Variants in MAPK14 observed in about 807,000 individuals in gnomAD.
MAPK14 encodes CSAID-binding protein.
In MAPK14, 16 loss-of-function variants were observed where a neutral mutation model predicts 49.6. The ratio of observed to expected loss-of-function variants is 0.32; its 90% CI spans 0.22 to 0.49. The LOEUF (loss-of-function observed/expected upper bound fraction) is 0.49, where lower values mean the gene tolerates loss of function less well. MAPK14 is among the 20% of genes least tolerant of loss of function. The pLI is 0.99. For missense variants in MAPK14, 200 were observed against 441.2 expected (o/e 0.45, Z 4.90); for synonymous variants, 142 against 158.0 (o/e 0.90, Z 0.76).
At chr6:36,063,664 C>G (rs375600926) in intron 3 of MAPK14, among the ~76,000 whole-genome samples, 1 of 152,126 alleles carries the variant, frequency 6.6e-6, no homozygotes, top group Non-Finnish European at 1.5e-5. Context: ...TTAATTCTTA[C>G]AAATGAAGAC....
At chr6:36,121,419 A>T in the MAPK14 span, among the ~76,000 whole-genome samples, 1 of 152,202 alleles carries the variant, frequency 6.6e-6, no homozygotes, top group Admixed American at 6.5e-5. Context: ...CAAGCTGCCC[A>T]GCTGGAGCAC....
rs374367305 is a variant in MAPK14, at chr6:36,028,306, C to A, written c.116+33C>A. 5.2e-5 allele frequency: 79 copies of A among 1,529,930 alleles called. No individual in the cohort carries two copies. The highest frequency in any genetic ancestry group is 2.5e-4 in the Admixed American group (15 of 59,062). 94.8% of individuals were successfully genotyped at this position (1,529,930 alleles called of 1,614,324 possible). ...TCGCTGGGCCTGGGGCCGCTGTGGG[C>A]AGGGTGGCCCCTCGCGCCCGAGGGC... is the stretch of plus-strand genomic sequence containing the variant. On this transcript the variant is annotated intron_variant, in intron 1 of 11. Coordinates refer to ENST00000229794, the MANE Select transcript of MAPK14 (RefSeq NM_139012.3). The surrounding 1 kb of genome is among the most constrained non-coding windows in gnomAD (Gnocchi z 5.1).
chr6:36,122,161 T>G, the MAPK14 span, among the ~76,000 whole-genome samples: 2 of 152,350 alleles, frequency 1.3e-5, no homozygotes, highest in Admixed American at 1.3e-4. Flanking sequence ...CTGACCAAGG[T>G]CCATAGGGCT....
intron 8 of MAPK14, among the ~76,000 whole-genome samples, chr6:36,094,566 A>AT (rs1765374527): frequency 1.3e-5 from 2 of 152,202 alleles, no homozygotes; most frequent in Non-Finnish European, 2.9e-5. Context: ...TATTCCTATA[A>AT]CGTAGGCACC....
chr6:36,051,011 G>A (rs572442215), intron 1 of MAPK14, among the ~76,000 whole-genome samples: 7 of 152,142 alleles, frequency 4.6e-5, no homozygotes, highest in South Asian at 2.1e-4. Flanking sequence ...CAGGCAGAGA[G>A]TTTGGTGATA....
chr6:36,032,784 A>G (rs1762591862), intron 1 of MAPK14, among the ~76,000 whole-genome samples: 1 of 152,218 alleles, frequency 6.6e-6, no homozygotes, highest in African/African-American at 2.4e-5. Context: ...ATTGCTTGCT[A>G]TGTTCTAGCA....
chr6:36,099,554 T>G (rs1384730049), intron 9 of MAPK14, among the ~76,000 whole-genome samples: 1 of 152,236 alleles, frequency 6.6e-6, no homozygotes. Context: ...GCCTGTGACT[T>G]CTGTTTTGCC....
chr6:36,083,820 C>G (rs1219941504), intron 8 of MAPK14, among the ~76,000 whole-genome samples: 1 of 152,216 alleles, frequency 6.6e-6, no homozygotes, highest in Non-Finnish European at 1.5e-5. Flanking sequence ...TGAGATTTCC[C>G]CCAGTGCAGC....
At chr6:36,091,809 A>T (rs1765240511) in intron 8 of MAPK14, among the ~76,000 whole-genome samples, 1 of 149,206 alleles carries the variant, frequency 6.7e-6, no homozygotes, top group Admixed American at 6.7e-5. Flanking sequence ...GGTAAAGCTG[A>T]GTTGAAAAGC....
intron 8 of MAPK14, among the ~76,000 whole-genome samples, chr6:36,083,408 G>T (rs1444427300): frequency 1.3e-5 from 2 of 152,226 alleles, no homozygotes; most frequent in African/African-American, 4.8e-5. Flanking sequence ...GAGCTGTGTA[G>T]GTTCTTGGTA....
intron 1 of MAPK14, among the ~76,000 whole-genome samples, chr6:36,030,634 C>T (rs1762504468): frequency 6.8e-6 from 1 of 146,278 alleles, no homozygotes; most frequent in Non-Finnish European, 1.5e-5. Flanking sequence ...TTGCAATGAG[C>T]TGAGATCGCT....
At chr6:36,059,818 G>A (rs930042297) in intron 3 of MAPK14, among the ~76,000 whole-genome samples, 4 of 152,062 alleles carry the variant, frequency 2.6e-5, no homozygotes, top group Admixed American at 6.6e-5. Context: ...ATGCCTGGCC[G>A]ATCCCAACTT....
chr6:36,027,986 T>A lies in MAPK14; in HGVS notation c.-172T>A, dbSNP rs1371102800. 1 of 443,886 alleles carries A rather than the reference T, an allele frequency of 2.3e-6. No homozygotes were observed. Among genetic ancestry groups the A allele is most frequent in the Non-Finnish European group, 3.9e-6 (1 of 254,678 alleles). 27.5% of individuals were successfully genotyped at this position (443,886 alleles called of 1,614,324 possible). The stretch of plus-strand genomic sequence containing the variant: ...CAGGGGCACATCCAGCCGCTGCGGC[T>A]GACAGCAGCCGCGCGCGCGGGAGTC... On this transcript the variant is annotated 5_prime_UTR_variant, in exon 1 of 12. Transcript: ENST00000229794.
At chr6:36,120,960 G>C in the MAPK14 span, among the ~76,000 whole-genome samples, 1 of 152,220 alleles carries the variant, frequency 6.6e-6, no homozygotes, top group Admixed American at 6.5e-5. Context: ...TTGTTTGAAA[G>C]TTAACTGAGA....
At chr6:36,122,834 A>G in the MAPK14 span, among the ~76,000 whole-genome samples, 8 of 152,114 alleles carry the variant, frequency 5.3e-5, no homozygotes, top group African/African-American at 1.9e-4. Flanking sequence ...AGGAAGCTCC[A>G]CCTGTAGCTA....
rs1478434183 is a variant in MAPK14 at position 36,107,731 on chromosome 6, AG to A, written c.1015+105del. The stretch of plus-strand genomic sequence containing the variant: ...ACCAACTTGCTAAAGCTTGTAGATG[AG>A]GTCTCTAATGCAGAATGAATATGTT... On this transcript the variant is annotated intron_variant, in intron 11 of 11. Coordinates refer to ENST00000229794, the MANE Select transcript of MAPK14 (RefSeq NM_139012.3). The surrounding 1 kb of genome is among the most constrained non-coding windows in gnomAD (Gnocchi z 4.3). The A allele has an allele frequency of 1.3e-6, 1 of 752,390 alleles. No homozygotes were observed. Among genetic ancestry groups the A allele is most frequent in the Non-Finnish European group, 2.0e-6 (1 of 496,136 alleles). The allele number at this position is 752,390 out of a possible 1,614,324, so 46.6% of individuals were successfully genotyped here. A position where few individuals can be genotyped will look rare whatever the true frequency, so the allele number is the denominator to read the frequency against.
intron 1 of MAPK14, among the ~76,000 whole-genome samples, chr6:36,039,572 A>G (rs968229671): frequency 1.3e-5 from 2 of 152,192 alleles, no homozygotes; most frequent in East Asian, 3.8e-4. Context: ...ACACCACACA[A>G]TCTGAGCATG....
intron 1 of MAPK14, among the ~76,000 whole-genome samples, chr6:36,042,225 A>G (rs1581738400): frequency 6.6e-6 from 1 of 152,150 alleles, no homozygotes. Flanking sequence ...TTGCATTTCT[A>G]AAAAGTCTAC....
chr6:36,041,942 T>G (rs1260785056), intron 1 of MAPK14, among the ~76,000 whole-genome samples: 2 of 152,170 alleles, frequency 1.3e-5, no homozygotes, highest in African/African-American at 4.8e-5. Flanking sequence ...CATTGTGAGT[T>G]ATAGTGGTCA....
Sources: allele counts gnomAD v4.1 joint callset (sites outside exome capture counted in the v4.1 genomes callset), GRCh38; gene constraint gnomAD v4.1.1; non-coding constraint Gnocchi (gnomAD v3.1); transcripts MANE v1.5; gene names NCBI Gene and HGNC (gene_info 2026-07-23, HGNC 2026-07-21).